Variants in DGKB observed in about 807,000 individuals in gnomAD.
DGKB encodes 90 kDa diacylglycerol kinase.
Under a neutral mutation model 114.3 loss-of-function variants are expected in DGKB, and 67 were observed. The observed-to-expected ratio is 0.59, with a 90% confidence interval of 0.48 to 0.72. The LOEUF (loss-of-function observed/expected upper bound fraction) is 0.72, where lower values mean the gene tolerates loss of function less well. DGKB is among the 30% of genes least tolerant of loss of function. The pLI, the probability that DGKB is intolerant of heterozygous loss-of-function variation, is 0.00. For synonymous variants in DGKB, 398 were observed against 323.1 expected (o/e 1.23, Z -2.49); for missense variants, 907 against 975.2 (o/e 0.93, Z 0.93).
intron 21 of DGKB, among the ~76,000 whole-genome samples, chr7:14,461,918 G>A (rs987548341): frequency 5.9e-5 from 9 of 152,144 alleles, no homozygotes; most frequent in Non-Finnish European, 1.2e-4. Flanking sequence ...CGATCACCTT[G>A]ACCTCATCCC....
chr7:14,674,322 T>C (rs1819497273), intron 12 of DGKB, among the ~76,000 whole-genome samples: 1 of 152,084 alleles, frequency 6.6e-6, no homozygotes, highest in Non-Finnish European at 1.5e-5. Context: ...GCAAGAAGTG[T>C]TGAAGATAGA....
At chr7:14,169,653 T>C (rs1309778210) in intron 25 of DGKB, among the ~76,000 whole-genome samples, 1 of 152,082 alleles carries the variant, frequency 6.6e-6, no homozygotes, top group African/African-American at 2.4e-5. Context: ...GCATTGAACT[T>C]TGAGATCAAG....
At chr7:14,888,518 T>G (rs1417628843) in intron 1 of DGKB, among the ~76,000 whole-genome samples, 5 of 151,764 alleles carry the variant, frequency 3.3e-5, no homozygotes, top group Non-Finnish European at 4.4e-5. Context: ...CATTTCATGT[T>G]GCATTTCAGA....
intron 1 of DGKB, among the ~76,000 whole-genome samples, chr7:14,928,859 A>G (rs1784868882): frequency 6.6e-6 from 1 of 151,900 alleles, no homozygotes; most frequent in Non-Finnish European, 1.5e-5. Context: ...TCCATTGTCT[A>G]TTATTCCACA....
intron 1 of DGKB, among the ~76,000 whole-genome samples, chr7:14,908,947 T>C (rs1783846648): frequency 6.6e-6 from 1 of 152,220 alleles, no homozygotes. Context: ...GTGTGGTATT[T>C]GTCCTTGAAG....
At chr7:14,823,554 T>C (rs1845243580) in intron 2 of DGKB, among the ~76,000 whole-genome samples, 1 of 152,140 alleles carries the variant, frequency 6.6e-6, no homozygotes, top group Non-Finnish European at 1.5e-5. Context: ...TATCCATGCT[T>C]TAAAATGTCA....
At chr7:14,368,729 C>T (rs919349995) in intron 21 of DGKB, among the ~76,000 whole-genome samples, 2 of 151,882 alleles carry the variant, frequency 1.3e-5, no homozygotes, top group African/African-American at 4.8e-5. Context: ...AGAATCAAGC[C>T]TTGTATGTTA....
chr7:14,861,894 T>A (rs1851033128), intron 1 of DGKB, among the ~76,000 whole-genome samples: 1 of 152,006 alleles, frequency 6.6e-6, no homozygotes, highest in Admixed American at 6.6e-5. Context: ...TTGCAAGATT[T>A]GTTCTTATGG....
chr7:14,533,824 C>T (rs947770670), intron 20 of DGKB, among the ~76,000 whole-genome samples: 5 of 151,822 alleles, frequency 3.3e-5, no homozygotes, highest in Non-Finnish European at 7.4e-5. Context: ...CAAAACTGTC[C>T]TTCAAAAATC....
intron 1 of DGKB, among the ~76,000 whole-genome samples, chr7:14,864,215 T>C (rs994500525): frequency 4.6e-5 from 7 of 152,296 alleles, no homozygotes; most frequent in East Asian, 3.9e-4. Flanking sequence ...TACATAATAG[T>C]TTCGTACAGA....
At chr7:14,779,198 T>G (rs538163964) in intron 2 of DGKB, among the ~76,000 whole-genome samples, 31 of 152,280 alleles carry the variant, frequency 2.0e-4, no homozygotes, top group Non-Finnish European at 2.8e-4. Context: ...CATCTTTATT[T>G]AAGACACATA....
chr7:14,254,136 A>G (rs1795626923), intron 23 of DGKB, among the ~76,000 whole-genome samples: 2 of 152,204 alleles, frequency 1.3e-5, no homozygotes, highest in African/African-American at 4.8e-5. Flanking sequence ...TTTTCGATCT[A>G]GAGGAACAAG....
At chr7:14,796,282 T>C (rs1841393384) in intron 2 of DGKB, among the ~76,000 whole-genome samples, 1 of 152,160 alleles carries the variant, frequency 6.6e-6, no homozygotes, top group Non-Finnish European at 1.5e-5. Context: ...ATTCTCTACT[T>C]GAAGAAGATC....
intron 13 of DGKB, among the ~76,000 whole-genome samples, chr7:14,670,057 C>T (rs1163339910): frequency 6.6e-6 from 1 of 152,056 alleles, no homozygotes; most frequent in Admixed American, 6.6e-5. Context: ...AGAATAGATG[C>T]TGTCCTAATT....
At chr7:14,376,862 C>A (rs796111688) in intron 21 of DGKB, among the ~76,000 whole-genome samples, 1 of 152,248 alleles carries the variant, frequency 6.6e-6, no homozygotes, top group Non-Finnish European at 1.5e-5. Flanking sequence ...CAGAAGTAAG[C>A]TTTTCTATAA....
chr7:14,321,603 G>GA (rs1164711723), intron 23 of DGKB, among the ~76,000 whole-genome samples: 5,889 of 44,436 alleles, frequency 0.13, 324 homozygotes, highest in African/African-American at 0.31. Context: ...AGAGAAATAA[G>GA]AAAAAAAAAA....
At chr7:14,387,349 G>A (rs1820553032) in intron 21 of DGKB, among the ~76,000 whole-genome samples, 1 of 149,794 alleles carries the variant, frequency 6.7e-6, no homozygotes, top group Non-Finnish European at 1.5e-5. Context: ...GGAGTCGGAG[G>A]CTGCAGTCAG....
chr7:14,685,343 T>A lies in DGKB; in HGVS notation c.731A>T (p.Gln244Leu), dbSNP rs1285901603. 2 of 1,613,492 alleles carry A rather than the reference T, an allele frequency of 1.2e-6. No homozygotes were observed. The highest frequency in any genetic ancestry group is 2.7e-5 in the African/African-American group (2 of 74,914). The change falls in exon 10 of 26, where the codon CAG becomes CTG. Residue 244 changes from glutamine (Q) to leucine (L), a missense_variant. Physicochemically the swap from Gln to Leu is moderately radical, Grantham distance 113. Coordinates refer to ENST00000402815, the MANE Select transcript of DGKB (RefSeq NM_001350709.2). ...GLENNVKDDGQHVWRLKHFNK... is the reference protein window; with the variant it reads ...GLENNVKDDGLHVWRLKHFNK... ...AAAGTGCTTCAGTCGCCACACGTGC[T>A]GTCCATCATCCTTCACGTTCTGCAT...
intron 23 of DGKB, among the ~76,000 whole-genome samples, chr7:14,313,314 C>A (rs565125356): frequency 2.6e-5 from 4 of 152,094 alleles, no homozygotes; most frequent in South Asian, 2.1e-4. Flanking sequence ...AGCTCCCAGC[C>A]TGAGCGACGC....
Sources: gnomAD v4.1 joint callset for allele counts (sites outside exome capture counted in the v4.1 genomes callset) on GRCh38, gnomAD v4.1.1 for gene constraint, MANE v1.5 for transcripts, NCBI Gene and HGNC (gene_info 2026-07-23, HGNC 2026-07-21) for gene names.